The following ANKRD50 variants were observed in gnomAD, a reference collection of about 807,000 sequenced individuals.
The protein encoded by ANKRD50 is ankyrin repeat domain-containing protein 50.
In ANKRD50, 40 loss-of-function variants were observed where a neutral mutation model predicts 112.0. The observed-to-expected ratio is 0.36, with a 90% CI of 0.28 to 0.46. ANKRD50 has a LOEUF of 0.46. Among genes scored for constraint, ANKRD50 ranks in the 20% least tolerant of loss-of-function variants. The pLI is 1.00. For synonymous variants in ANKRD50, 613 were observed against 619.1 expected, an observed-to-expected ratio of 0.99 and a Z score of 0.15; for missense variants, 1,487 against 1,701.7, an observed-to-expected ratio of 0.87 and a Z score of 2.22.
rs748412709 is a variant in ANKRD50, at chr4:124,669,412, T to G, written c.3865A>C (p.Ser1289Arg). The change falls in exon 4 of 5, where the codon AGT becomes CGT. Residue 1289 changes from serine (S) to arginine (R), a missense_variant. Physicochemically the swap from Ser to Arg is moderately radical, Grantham distance 110. Transcript: ENST00000504087. ...AAAACCTTTGGCTGTGAAGAATTACTTTGTTTCGCTTTTTTCCCAGCTGAT... is the reference window on the plus strand; with the variant it reads ...AAAACCTTTGGCTGTGAAGAATTACGTTGTTTCGCTTTTTTCCCAGCTGAT... ...SGSAGKKAKQ[S>R]NSSQPKVLEY... is the part of the protein sequence containing the mutation. The G allele has an allele frequency of 6.2e-7, 1 of 1,613,288 alleles. No homozygotes were observed. The highest frequency in any genetic ancestry group is 8.5e-7 in the Non-Finnish European group (1 of 1,179,750).
rs1367847589 is a variant in ANKRD50, at chr4:124,672,236, A to G, written c.1041T>C (p.Phe347=). Residue 347 remains phenylalanine (F), a synonymous_variant, in exon 4 of 5, where the codon TTT becomes TTC. Coordinates refer to ENST00000504087, the MANE Select transcript of ANKRD50 (RefSeq NM_020337.3). ...LCQRLFVRKQ[F]AKVQPILNVI... is the part of the protein sequence containing the mutation. ...CATTCAAAATAGGCTGAACCTTTGC[A>G]AATTGTTTTCTTACAAAAAGTCTTT... is the stretch of plus-strand genomic sequence containing the variant. The G allele has an allele frequency of 6.2e-7, 1 of 1,613,688 alleles. No homozygotes were observed. Among genetic ancestry groups the G allele is most frequent in the Non-Finnish European group, 8.5e-7 (1 of 1,179,840 alleles).
rs1730461095 is a variant in ANKRD50 at position 124,665,319 on chromosome 4, G to A, written c.*2199C>T. On this transcript the variant is annotated 3_prime_UTR_variant, in exon 5 of 5. Transcript: ENST00000504087. ...GTTCTCTTCCTACCAATTGCTTCAAGTGTATATAGTATGGATATGAAAACA... is the reference window on the plus strand; with the variant it reads ...GTTCTCTTCCTACCAATTGCTTCAAATGTATATAGTATGGATATGAAAACA... The A allele has an allele frequency of 6.6e-6, 1 of 152,258 alleles. No homozygotes were observed. Among genetic ancestry groups the A allele is most frequent in the Non-Finnish European group, 1.5e-5 (1 of 67,866 alleles). 9.4% of individuals were successfully genotyped at this position (152,258 alleles called of 1,614,324 possible).
intron 3 of ANKRD50, among the ~76,000 whole-genome samples, chr4:124,676,909 A>AT (rs2110511878): frequency 6.6e-6 from 1 of 151,284 alleles, no homozygotes; most frequent in Admixed American, 6.6e-5. Context: ...TGAAATAAGC[A>AT]TAAGGGAGAA....
intron 3 of ANKRD50, among the ~76,000 whole-genome samples, chr4:124,675,324 T>C (rs1730750168): frequency 1.3e-5 from 2 of 151,752 alleles, no homozygotes; most frequent in African/African-American, 4.8e-5. Flanking sequence ...TATTTATAAA[T>C]TGATGCTTAC....
rs1724972454 is a variant in ANKRD50, at chr4:124,684,881, C to A, written c.513-5976G>T. On this transcript the variant is annotated intron_variant, in intron 2 of 4. Transcript: ENST00000504087. ...TCTTCCTTTCTGTTTTAACACCAAG[C>A]TTTTTTCTTTTTCCCCCCCATTCAG... is the stretch of plus-strand genomic sequence containing the variant. Among the ~76,000 whole-genome samples, 4 of 152,056 alleles carry A rather than the reference C, an allele frequency of 2.6e-5. No homozygotes were observed. In the South Asian group the frequency reaches 8.3e-4, roughly 32 times the overall value.
intron 2 of ANKRD50, among the ~76,000 whole-genome samples, chr4:124,699,339 G>T (rs1725335703): frequency 6.6e-6 from 1 of 151,772 alleles, no homozygotes; most frequent in Non-Finnish European, 1.5e-5. Context: ...TTCAGGGGAT[G>T]AAAACAATCT....
chr4:124,673,819 AAC>A (rs1730713600), intron 3 of ANKRD50, among the ~76,000 whole-genome samples: 1 of 152,138 alleles, frequency 6.6e-6, no homozygotes, highest in African/African-American at 2.4e-5. Flanking sequence ...AAATATGAAT[AAC>A]AGTTGTACTA....
chr4:124,672,016 A>C lies in ANKRD50; in HGVS notation c.1261T>G (p.Cys421Gly). ...GCATTACATAAATACTTCTGAGTAC[A>C]GTGTTTCACATCCAGAAGCCACTCG... ...FAEWLLDVKHCTQKYLCNAAE... is the reference protein window; with the variant it reads ...FAEWLLDVKHGTQKYLCNAAE... The change falls in exon 4 of 5, where the codon TGT becomes GGT. Residue 421 changes from cysteine (C) to glycine (G), a missense_variant. Coordinates refer to ENST00000504087, the MANE Select transcript of ANKRD50 (RefSeq NM_020337.3). 6.2e-7 allele frequency: 1 copy of C among 1,613,944 alleles called. No homozygotes were observed. Among genetic ancestry groups the C allele is most frequent in the Non-Finnish European group, 8.5e-7 (1 of 1,179,884 alleles).
rs747400581 is a variant in ANKRD50, at chr4:124,670,988, C to G, written c.2289G>C (p.Val763=). ...LVAAYEGHVD[V]VDLLLEGGAD... is the part of the protein sequence containing the mutation. ...CTCCCCCTTCTAGAAGCAAGTCAAC[C>G]ACATCAACATGTCCTTCATAGGCAG... is the stretch of plus-strand genomic sequence containing the variant. The change falls in exon 4 of 5, where the codon GTG becomes GTC. Residue 763 remains valine, a synonymous_variant. Coordinates refer to ENST00000504087, the MANE Select transcript of ANKRD50 (RefSeq NM_020337.3). The G allele has an allele frequency of 5.6e-6, 9 of 1,613,692 alleles. No individual in the cohort carries two copies. The African/African-American group carries it at 1.2e-4, about 22-fold the overall frequency.
At chr4:124,673,293 A>G (rs921621332) in intron 3 of ANKRD50, among the ~76,000 whole-genome samples, 2 of 152,132 alleles carry the variant, frequency 1.3e-5, no homozygotes, top group Admixed American at 6.6e-5. Context: ...TGATATACAG[A>G]TATGAACTTA....
At position 124,694,779 on chromosome 4, in the gene ANKRD50, C is replaced by T. The variant is rs549587509; in HGVS notation, c.512+15221G>A. On this transcript the variant is annotated intron_variant, in intron 2 of 4. Coordinates refer to ENST00000504087, the MANE Select transcript of ANKRD50 (RefSeq NM_020337.3). ...AGGAACTTCATATCTCAATTTTTAG[C>T]CCTCATTCAAGATCATACTGGGGAT... Among the ~76,000 whole-genome samples, 34 of 152,026 alleles carry T rather than the reference C, an allele frequency of 2.2e-4. 1 individual carries two copies. The highest frequency in any genetic ancestry group is 5.9e-4 in the Admixed American group (9 of 15,274).
In ANKRD50 at chr4:124,671,344, G is replaced by C. The variant is rs1730646856; in HGVS notation, c.1933C>G (p.Arg645Gly). 3 of 1,613,594 alleles carry C rather than the reference G, an allele frequency of 1.9e-6. No homozygotes were observed. The highest frequency in any genetic ancestry group is 8.5e-7 in the Non-Finnish European group (1 of 1,179,850). Residue 645 changes from arginine to glycine, a missense_variant, in exon 4 of 5, where the codon CGA (arginine) becomes GGA (glycine). Coordinates refer to ENST00000504087, the MANE Select transcript of ANKRD50 (RefSeq NM_020337.3). Reference protein sequence around the residue: ...VKVDCADADSRTALRAAAWGG... With the variant: ...VKVDCADADSGTALRAAAWGG... ...CATGCTGCTGCTCTCAAAGCTGTTC[G>C]GCTATCAGCATCTGCACAATCCACT...
rs765026508 is a variant in ANKRD50 at position 124,669,899 on chromosome 4, T to C, written c.3378A>G (p.Ser1126=). ...MEQKPLQSLS[S]KVQSLTIKSN... ...ATTTAATTGTTAATGACTGCACTTT[T>C]GAAGACAATGACTGTAGAGGTTTTT... The change falls in exon 4 of 5, where the codon TCA becomes TCG. Residue 1126 remains serine, a synonymous_variant. Transcript: ENST00000504087. 6.8e-6 allele frequency: 11 copies of C among 1,613,460 alleles called. No homozygotes were observed. The highest frequency in any genetic ancestry group is 4.2e-6 in the Non-Finnish European group (5 of 1,179,812).
chr4:124,711,821 C>T (rs1239437697), intron 1 of ANKRD50, among the ~76,000 whole-genome samples: 1 of 151,790 alleles, frequency 6.6e-6, no homozygotes, highest in Non-Finnish European at 1.5e-5. Flanking sequence ...AAAGCAAACA[C>T]AAGTAAAATG....
rs2110532178 is a variant in ANKRD50, at chr4:124,711,144, A to G, written c.-633T>C. 5.6e-6 allele frequency: 1 copy of G among 179,434 alleles called. No homozygotes were observed. 11.1% of individuals were successfully genotyped at this position (179,434 alleles called of 1,614,324 possible). On this transcript the variant is annotated 5_prime_UTR_variant, in exon 2 of 5. Coordinates refer to ENST00000504087, the MANE Select transcript of ANKRD50 (RefSeq NM_020337.3). ...AGTCTCTTATGTGGCAGAAATGACA[A>G]CCACTGTTAACACCTTCTTAATTCA...
chr4:124,694,455 G>T lies in ANKRD50; in HGVS notation c.512+15545C>A, dbSNP rs368877136. The stretch of plus-strand genomic sequence containing the variant: ...CAAGATAAAATCTCTAGCTTGCCAA[G>T]AAAGTATGCAAGGCAACCTAGAGAT... On this transcript the variant is annotated intron_variant, in intron 2 of 4. Coordinates refer to ENST00000504087, the MANE Select transcript of ANKRD50 (RefSeq NM_020337.3). Among the ~76,000 whole-genome samples, 46 of 152,290 alleles carry T rather than the reference G, an allele frequency of 3.0e-4. No homozygotes were observed. The East Asian group carries it at 4.4e-3, about 15-fold the overall frequency.
intron 2 of ANKRD50, among the ~76,000 whole-genome samples, chr4:124,691,288 C>T (rs1006366731): frequency 2.6e-5 from 4 of 151,276 alleles, no homozygotes; most frequent in Admixed American, 1.3e-4. Flanking sequence ...GTCAGGAGAT[C>T]GAGACCATCC....
chr4:124,703,176 A>G (rs181032844), intron 2 of ANKRD50, among the ~76,000 whole-genome samples: 1 of 152,152 alleles, frequency 6.6e-6, no homozygotes, highest in Admixed American at 6.5e-5. Flanking sequence ...TCAGTGCGAG[A>G]TTCTGAAAGA....
At chr4:124,672,637 AAATT>A (rs996031445) in intron 3 of ANKRD50, 103 bp from the exon 4 acceptor site, 39 of 794,662 alleles carry the variant, frequency 4.9e-5, no homozygotes, top group African/African-American at 1.5e-4. Context: ...ATCAATTAAT[AAATT>A]AATACTAATA....
Sources: allele counts gnomAD v4.1 joint callset (sites outside exome capture counted in the v4.1 genomes callset), GRCh38; gene constraint gnomAD v4.1.1; transcripts MANE v1.5; gene names NCBI Gene and HGNC (gene_info 2026-07-23, HGNC 2026-07-21).